STAU1: variants seen among roughly 807,000 people sequenced by gnomAD.
STAU1 encodes double-stranded RNA-binding protein Staufen homolog 1.
STAU1 carries 13 observed loss-of-function variants against 62.9 expected under a neutral mutation model. The ratio of observed to expected loss-of-function variants is 0.21; its 90% confidence interval spans 0.13 to 0.33. The LOEUF is 0.33. Ranked by LOEUF, STAU1 falls within the 10% of genes least tolerant of loss-of-function variation. The pLI is 1.00. For synonymous variants in STAU1, 269 were observed against 265.1 expected, an observed-to-expected ratio of 1.01 and a Z score of -0.14; for missense variants, 571 against 712.1, an observed-to-expected ratio of 0.80 and a Z score of 2.25.
intron 2 of STAU1, among the ~76,000 whole-genome samples, chr20:49,169,488 A>T (rs1312356685): frequency 6.6e-6 from 1 of 152,228 alleles, no homozygotes; most frequent in Admixed American, 6.5e-5. Flanking sequence ...TGTCCTGAAG[A>T]CTAAGTCCTT....
upstream of STAU1, among the ~76,000 whole-genome samples, chr20:49,192,848 C>T (rs1756838564): frequency 6.6e-6 from 1 of 152,060 alleles, no homozygotes; most frequent in South Asian, 2.1e-4. Context: ...AGAAAAATAA[C>T]AAACAGGATT....
chr20:49,118,401 A>C lies in STAU1; in HGVS notation c.1121T>G (p.Ile374Arg). 1 of 1,605,872 alleles carries C rather than the reference A, an allele frequency of 6.2e-7. No individual in the cohort carries two copies. The change falls in exon 10 of 14, where the codon ATA becomes AGA. Residue 374 changes from isoleucine to arginine, a missense_variant. Ile to Arg is a moderately conservative substitution (Grantham distance 97). Transcript: ENST00000371856. The stretch of plus-strand genomic sequence containing the variant: ...TTTTCTTCCATCCCCTGGTTTCTTT[A>C]TGGGTGTCTTAAAAAAGAAGAAGAA... ...PALKSEEKTP[I>R]KKPGDGRKVT...
the STAU1 span, chr20:49,210,474 T>C: frequency 2.2e-6 from 1 of 455,978 alleles, no homozygotes. Context: ...TCTCTCTCCT[T>C]TTTTTCCTCC....
intron 7 of STAU1, 124 bp downstream of exon 7, chr20:49,124,251 G>T: frequency 1.0e-6 from 1 of 952,982 alleles, no homozygotes; most frequent in Non-Finnish European, 1.6e-6. Context: ...AAGGGGTCTG[G>T]CAGGCCTGGG....
chr20:49,195,815 AT>A, the STAU1 span, among the ~76,000 whole-genome samples: 1 of 142,046 alleles, frequency 7.0e-6, no homozygotes, highest in Non-Finnish European at 1.5e-5. Context: ...AGGCAGGAGA[AT>A]TGCTTGCACC....
intron 1 of STAU1, among the ~76,000 whole-genome samples, chr20:49,187,504 TA>T (rs912375586): frequency 1.1e-4 from 17 of 152,212 alleles, no homozygotes; most frequent in African/African-American, 3.9e-4. Flanking sequence ...GCTAATAAAT[TA>T]TGCAGACGGT....
intron 1 of STAU1, among the ~76,000 whole-genome samples, chr20:49,186,060 A>G (rs2093782685): frequency 6.6e-6 from 1 of 151,972 alleles, no homozygotes; most frequent in East Asian, 1.9e-4. Flanking sequence ...CGGCCTCCCA[A>G]AAGTTCTGGG....
intron 2 of STAU1, among the ~76,000 whole-genome samples, chr20:49,172,612 G>C (rs572388220): frequency 6.6e-6 from 1 of 152,128 alleles, no homozygotes; most frequent in Non-Finnish European, 1.5e-5. Context: ...CTAGAAACAC[G>C]ACTGCATTTA....
intron 3 of STAU1, among the ~76,000 whole-genome samples, chr20:49,160,984 T>C (rs2146333102): frequency 6.6e-6 from 1 of 152,278 alleles, no homozygotes; most frequent in East Asian, 1.9e-4. Flanking sequence ...GAATTGTCTC[T>C]GTTCAGAATC....
the STAU1 span, among the ~76,000 whole-genome samples, chr20:49,204,614 ATATATATATG>A: frequency 6.3e-3 from 349 of 55,300 alleles, 2 homozygotes; most frequent in African/African-American, 0.013. Context: ...ATATATATAT[ATATATATATG>A]TGTATATATA....
intron 1 of STAU1, among the ~76,000 whole-genome samples, chr20:49,180,943 T>TA (rs1013862476): frequency 1.3e-5 from 2 of 152,116 alleles, no homozygotes; most frequent in African/African-American, 4.8e-5. Context: ...AAAAAGCACC[T>TA]AAGCATAATT....
At chr20:49,174,629 G>A (rs191526622) in intron 1 of STAU1, among the ~76,000 whole-genome samples, 91 of 151,916 alleles carry the variant, frequency 6.0e-4, no homozygotes, top group Non-Finnish European at 1.1e-3. Flanking sequence ...GCCGAGGTGG[G>A]AAATTACGAG....
chr20:49,122,323 A>G (rs1455503783), intron 8 of STAU1, among the ~76,000 whole-genome samples: 1 of 152,214 alleles, frequency 6.6e-6, no homozygotes, highest in African/African-American at 2.4e-5. Context: ...GAAGAGGAAC[A>G]GATCTCTTGA....
At chr20:49,203,868 G>A in the STAU1 span, among the ~76,000 whole-genome samples, 16 of 152,048 alleles carry the variant, frequency 1.1e-4, no homozygotes, top group Non-Finnish European at 1.9e-4. Flanking sequence ...TGCATTTTTA[G>A]TAGAGACGGG....
chr20:49,152,172 A>G (rs1035125043), intron 4 of STAU1, among the ~76,000 whole-genome samples: 3 of 152,122 alleles, frequency 2.0e-5, no homozygotes, highest in Admixed American at 1.3e-4. Flanking sequence ...ATTTCAAGAA[A>G]TCCCAATAAG....
At chr20:49,137,208 T>C (rs2092905232) in intron 5 of STAU1, among the ~76,000 whole-genome samples, 1 of 152,254 alleles carries the variant, frequency 6.6e-6, no homozygotes, top group South Asian at 2.1e-4. Flanking sequence ...AAGGATGCGA[T>C]GAAACACATT....
intron 6 of STAU1, among the ~76,000 whole-genome samples, chr20:49,125,164 T>A (rs1211224637): frequency 1.4e-5 from 1 of 72,462 alleles, no homozygotes; most frequent in African/African-American, 5.5e-5. Context: ...TCTACACATA[T>A]ATAAACAGAC....
chr20:49,148,317 GA>G (rs923908950), intron 5 of STAU1, among the ~76,000 whole-genome samples: 18 of 151,954 alleles, frequency 1.2e-4, no homozygotes, highest in African/African-American at 4.1e-4. Flanking sequence ...ATACCCCCAA[GA>G]AAAAAATAAA....
At chr20:49,128,348 T>A (rs994432739) in intron 6 of STAU1, among the ~76,000 whole-genome samples, 1 of 152,048 alleles carries the variant, frequency 6.6e-6, no homozygotes, top group Non-Finnish European at 1.5e-5. Context: ...AATAAACTTG[T>A]TATTTCAAAA....
Sources: gnomAD v4.1 joint callset for allele counts (sites outside exome capture counted in the v4.1 genomes callset) on GRCh38, gnomAD v4.1.1 for gene constraint, MANE v1.5 for transcripts, NCBI Gene and HGNC (gene_info 2026-07-23, HGNC 2026-07-21) for gene names.